The following LUZP2 variants were observed in gnomAD, a reference collection of about 807,000 sequenced individuals.
LUZP2 encodes leucine zipper protein 2.
A neutral mutation model predicts 51.6 loss-of-function variants in LUZP2; 52 were observed. That is an observed-to-expected ratio of 1.01 (90% CI 0.81 to 1.27). The LOEUF (loss-of-function observed/expected upper bound fraction) is 1.27, where lower values mean the gene tolerates loss of function less well. LUZP2 is among the 50% of genes most tolerant of loss of function. LUZP2 has a pLI of 0.00. For missense variants in LUZP2, 436 were observed against 395.4 expected (o/e 1.10, Z -0.87); for synonymous variants, 154 against 137.3 (o/e 1.12, Z -0.85).
rs145141224 is a variant in LUZP2 at position 24,920,499 on chromosome 11, A to G, written c.522+5961A>G. On this transcript the variant is annotated intron_variant, in intron 7 of 11. Transcript: ENST00000336930. ...AAAACTTATCTGCACTCACAGGTTT[A>G]TCACAGTACTATTCACAGTAGGAAA... Among the ~76,000 whole-genome samples, 894 of 152,204 alleles carry G rather than the reference A, an allele frequency of 5.9e-3. 7 individuals carry two copies. Among genetic ancestry groups the G allele is most frequent in the Non-Finnish European group, 9.1e-3 (617 of 67,940 alleles).
chr11:24,839,254 G>A (rs1254316117), intron 5 of LUZP2, among the ~76,000 whole-genome samples: 1 of 151,526 alleles, frequency 6.6e-6, no homozygotes, highest in Non-Finnish European at 1.5e-5. Context: ...CCCTACCCAT[G>A]GAAAACTCTC....
At chr11:24,928,723 A>C (rs879430954) in intron 7 of LUZP2, among the ~76,000 whole-genome samples, 2 of 151,946 alleles carry the variant, frequency 1.3e-5, no homozygotes, top group Non-Finnish European at 2.9e-5. Context: ...TTTTGGTATT[A>C]CTGTGATACT....
At chr11:25,014,293 T>C (rs1295029104) in intron 9 of LUZP2, among the ~76,000 whole-genome samples, 3 of 152,320 alleles carry the variant, frequency 2.0e-5, no homozygotes, top group African/African-American at 7.2e-5. Context: ...TCAAATGCTA[T>C]TTCTAGTTCT....
At chr11:24,908,060 C>A (rs1342263661) in intron 6 of LUZP2, among the ~76,000 whole-genome samples, 1 of 151,842 alleles carries the variant, frequency 6.6e-6, no homozygotes, top group Non-Finnish European at 1.5e-5. Context: ...AATATGGTGG[C>A]AAATTTAATT....
chr11:24,761,623 G>A (rs1165258879), intron 4 of LUZP2, among the ~76,000 whole-genome samples: 2 of 152,114 alleles, frequency 1.3e-5, no homozygotes. Flanking sequence ...CTCTATGAGA[G>A]AAAAATCTAT....
At chr11:24,976,901 G>C (rs1157762607) in intron 8 of LUZP2, among the ~76,000 whole-genome samples, 1 of 151,588 alleles carries the variant, frequency 6.6e-6, no homozygotes, top group Non-Finnish European at 1.5e-5. Flanking sequence ...GTGAGTTCAT[G>C]GCTCCATTTT....
At chr11:24,753,136 C>A (rs1400251757) in intron 4 of LUZP2, among the ~76,000 whole-genome samples, 6 of 152,084 alleles carry the variant, frequency 3.9e-5, no homozygotes, top group Non-Finnish European at 8.8e-5. Context: ...CTTCAGTATT[C>A]ATCAAGCTAT....
chr11:24,533,566 A>C (rs1851078400), intron 1 of LUZP2, among the ~76,000 whole-genome samples: 1 of 151,220 alleles, frequency 6.6e-6, no homozygotes, highest in Non-Finnish European at 1.5e-5. Flanking sequence ...CTTGGAATTG[A>C]AAATATTTTG....
rs925195138 is a variant in LUZP2 at position 24,979,705 on chromosome 11, G to A, written c.597+3040G>A. Among the ~76,000 whole-genome samples, 14 of 151,800 alleles carry A rather than the reference G, an allele frequency of 9.2e-5. No homozygotes were observed. In the South Asian group the frequency reaches 1.2e-3, roughly 14 times the overall value. On this transcript the variant is annotated intron_variant, in intron 8 of 11. Transcript: ENST00000336930. ...TATGAATTATATATAGTTGGCCTCA[G>A]CTACTGGAATATAAAAGAAGCTTTA...
At chr11:24,785,535 A>G (rs1162950109) in intron 5 of LUZP2, among the ~76,000 whole-genome samples, 2 of 151,986 alleles carry the variant, frequency 1.3e-5, no homozygotes, top group Non-Finnish European at 2.9e-5. Flanking sequence ...ACATATTTAT[A>G]TTGTCATTAT....
intron 1 of LUZP2, among the ~76,000 whole-genome samples, chr11:24,529,531 A>G (rs1036247144): frequency 1.4e-5 from 2 of 145,954 alleles, no homozygotes; most frequent in African/African-American, 2.6e-5. Flanking sequence ...ATTATTTCTG[A>G]TAATAAATTG....
intron 7 of LUZP2, among the ~76,000 whole-genome samples, chr11:24,975,945 T>C (rs1855870431): frequency 6.6e-6 from 1 of 151,962 alleles, no homozygotes; most frequent in Admixed American, 6.6e-5. Flanking sequence ...TAAAAATCTA[T>C]TATCTCTCAG....
At chr11:24,678,859 C>A (rs186768817) in intron 1 of LUZP2, among the ~76,000 whole-genome samples, 122 of 152,274 alleles carry the variant, frequency 8.0e-4, no homozygotes, top group Non-Finnish European at 1.1e-3. Flanking sequence ...CATTGAGAAG[C>A]ATTTATTCTT....
chr11:24,597,742 G>A (rs183668965), intron 1 of LUZP2, among the ~76,000 whole-genome samples: 214 of 152,186 alleles, frequency 1.4e-3, no homozygotes, highest in African/African-American at 4.9e-3. Context: ...GGTCTTATAT[G>A]GTATCACATT....
At chr11:24,736,469 GTCCTTCCTTCCTTCCTTCCT>G (rs61318393) in intron 3 of LUZP2, among the ~76,000 whole-genome samples, 24,869 of 146,306 alleles carry the variant, frequency 0.17, 2,181 homozygotes, top group Middle Eastern at 0.23. Context: ...TAACATGTAG[GTCCTTCCTTCCTTCCTTCCT>G]TCCTTCCTTC....
At chr11:24,592,862 G>T (rs1189630767) in intron 1 of LUZP2, among the ~76,000 whole-genome samples, 2 of 152,080 alleles carry the variant, frequency 1.3e-5, no homozygotes, top group East Asian at 3.9e-4. Context: ...AAATTACAAA[G>T]AACAAAGGCC....
At chr11:25,055,131 C>T (rs1858643353) in intron 10 of LUZP2, among the ~76,000 whole-genome samples, 1 of 146,580 alleles carries the variant, frequency 6.8e-6, no homozygotes. Context: ...CTGCCTCAGC[C>T]TCCTGAGTAG....
intron 1 of LUZP2, among the ~76,000 whole-genome samples, chr11:24,624,710 C>A (rs1285554046): frequency 6.6e-6 from 1 of 152,042 alleles, no homozygotes; most frequent in African/African-American, 2.4e-5. Context: ...GCACTTTTAT[C>A]CTATTATGTT....
At chr11:24,652,100 G>A (rs547635220) in intron 1 of LUZP2, among the ~76,000 whole-genome samples, 62 of 61,126 alleles carry the variant, frequency 1.0e-3, no homozygotes, top group African/African-American at 3.2e-3. Context: ...TTGTGCATGT[G>A]TGTATATGTG....
Sources: allele counts gnomAD v4.1 joint callset (sites outside exome capture counted in the v4.1 genomes callset), GRCh38; gene constraint gnomAD v4.1.1; transcripts MANE v1.5; gene names NCBI Gene and HGNC (gene_info 2026-07-23, HGNC 2026-07-21).